APLP2: variants seen among roughly 807,000 people sequenced by gnomAD.
APLP2 encodes the protein amyloid beta precursor like protein 2.
A neutral mutation model predicts 89.9 loss-of-function variants in APLP2; 53 were observed. That is an observed-to-expected ratio of 0.59 (90% CI 0.47 to 0.74). The LOEUF is 0.74. APLP2 is among the 30% of genes least tolerant of loss of function. The pLI is 0.00. For missense variants in APLP2, 973 were observed against 975.9 expected, an observed-to-expected ratio of 1.00 and a Z score of 0.04; for synonymous variants, 372 against 348.6, an observed-to-expected ratio of 1.07 and a Z score of -0.75.
intron 2 of APLP2, 44 bp from the exon 3 acceptor site, chr11:130,110,494 G>C: frequency 6.2e-7 from 1 of 1,606,294 alleles, no homozygotes; most frequent in Non-Finnish European, 8.5e-7. Flanking sequence ...GTGTGTGTCT[G>C]TCTGCAGATT....
intron 13 of APLP2, among the ~76,000 whole-genome samples, chr11:130,137,473 C>T (rs968754436): frequency 6.6e-6 from 1 of 152,174 alleles, no homozygotes; most frequent in African/African-American, 2.4e-5. Flanking sequence ...GACCTGACTC[C>T]AGCACTCTGA....
intron 1 of APLP2, among the ~76,000 whole-genome samples, chr11:130,105,079 ATAAAT>A (rs562217397): frequency 1.1e-4 from 17 of 152,348 alleles, no homozygotes; most frequent in African/African-American, 1.7e-4. Context: ...ATCAGCATAA[ATAAAT>A]TAAAGTTTCC....
At chr11:130,118,663 G>T (rs967962018) in intron 3 of APLP2, among the ~76,000 whole-genome samples, 5 of 152,182 alleles carry the variant, frequency 3.3e-5, no homozygotes, top group Admixed American at 6.5e-5. Context: ...GAGTATCAGG[G>T]TTGTTCATTC....
chr11:130,139,829 C>G (rs531430466), intron 13 of APLP2, among the ~76,000 whole-genome samples: 1 of 152,056 alleles, frequency 6.6e-6, no homozygotes, highest in African/African-American at 2.4e-5. Context: ...GTGGGAGATG[C>G]GGGAAGAAAT....
intron 1 of APLP2, among the ~76,000 whole-genome samples, chr11:130,105,444 A>C (rs973854957): frequency 6.6e-6 from 1 of 152,276 alleles, no homozygotes; most frequent in African/African-American, 2.4e-5. Context: ...CATCAAAGCT[A>C]CCCTTTCTTG....
intron 1 of APLP2, among the ~76,000 whole-genome samples, chr11:130,090,005 C>T (rs867222014): frequency 2.0e-5 from 3 of 152,124 alleles, no homozygotes; most frequent in Admixed American, 6.5e-5. Context: ...ATTTGAGGCC[C>T]TATTCAACCT....
chr11:130,105,138 C>T (rs537403863), intron 1 of APLP2, among the ~76,000 whole-genome samples: 3 of 152,278 alleles, frequency 2.0e-5, no homozygotes, highest in South Asian at 2.1e-4. Flanking sequence ...GTCAGCTAGG[C>T]GTAGTATCTC....
At chr11:130,096,325 G>A (rs1946205447) in intron 1 of APLP2, among the ~76,000 whole-genome samples, 3 of 152,204 alleles carry the variant, frequency 2.0e-5, no homozygotes, top group African/African-American at 7.2e-5. Context: ...GAATTCTCTG[G>A]AATAGAAGAG....
At chr11:130,079,163 GTC>G (rs1424065133) in intron 1 of APLP2, among the ~76,000 whole-genome samples, 7 of 151,908 alleles carry the variant, frequency 4.6e-5, no homozygotes. Flanking sequence ...CAGTGGTGCA[GTC>G]TCTGCTCACT....
chr11:130,089,968 T>C (rs1199016247), intron 1 of APLP2, among the ~76,000 whole-genome samples: 3 of 152,202 alleles, frequency 2.0e-5, no homozygotes, highest in Admixed American at 2.0e-4. Context: ...TTCAGAGGTA[T>C]TTGGGGCTAG....
intron 1 of APLP2, chr11:130,070,446 T>A: frequency 1.6e-6 from 1 of 615,426 alleles, no homozygotes; most frequent in Non-Finnish European, 2.1e-6. Context: ...GGCGCTCCTC[T>A]CCCGCCGGAG....
intron 1 of APLP2, among the ~76,000 whole-genome samples, chr11:130,091,024 G>A (rs1591778271): frequency 6.7e-5 from 10 of 148,420 alleles, no homozygotes; most frequent in African/African-American, 1.7e-4. Flanking sequence ...CGGACGGGGC[G>A]GCTGGCCGGG....
chr11:130,126,413 A>T (rs1343886513), intron 7 of APLP2, among the ~76,000 whole-genome samples: 5 of 152,192 alleles, frequency 3.3e-5, no homozygotes, highest in African/African-American at 1.2e-4. Flanking sequence ...GGTATAGAAG[A>T]AACCACCTCT....
intron 11 of APLP2, among the ~76,000 whole-genome samples, chr11:130,131,228 A>G (rs1160052557): frequency 6.6e-6 from 1 of 152,146 alleles, no homozygotes; most frequent in African/African-American, 2.4e-5. Flanking sequence ...CCTCCCAAGT[A>G]GCTGGGATTA....
At chr11:130,073,660 G>A (rs1297337141) in intron 1 of APLP2, among the ~76,000 whole-genome samples, 1 of 152,142 alleles carries the variant, frequency 6.6e-6, no homozygotes, top group Non-Finnish European at 1.5e-5. Flanking sequence ...GAGCAACATG[G>A]TGAAACTCCG....
chr11:130,101,227 A>G (rs1946875187), intron 1 of APLP2: 3 of 153,502 alleles, frequency 2.0e-5, no homozygotes, highest in Admixed American at 1.3e-4. Flanking sequence ...CCCAGGCGGA[A>G]TGCAGTGGCG....
chr11:130,109,505 T>G lies in APLP2; in HGVS notation c.182T>G (p.Met61Arg), dbSNP rs1250131813. The part of the protein sequence containing the change: ...QIAMFCGKLN[M>R]HVNIQTGKWE... ...GCAATGTTTTGTGGGAAGTTAAATA[T>G]GCATGTGAACATTCAGACTGGGAAA... Residue 61 changes from methionine (M) to arginine (R), a missense_variant, in exon 2 of 17, where the codon ATG becomes AGG. Met to Arg is a moderately conservative substitution (Grantham distance 91, BLOSUM62 -1). Coordinates refer to ENST00000338167, the MANE Select transcript of APLP2 (RefSeq NM_001142276.2). The G allele has an allele frequency of 6.2e-7, 1 of 1,614,036 alleles. No individual in the cohort carries two copies. The highest frequency in any genetic ancestry group is 1.7e-5 in the Admixed American group (1 of 60,004).
At chr11:130,140,300 G>A (rs1223406774) in intron 13 of APLP2, 98 bp from the exon 14 acceptor site, 1 of 842,854 alleles carries the variant, frequency 1.2e-6, no homozygotes, top group African/African-American at 1.7e-5. Flanking sequence ...TGCGTGTTGA[G>A]GGGCTCACTG....
Position 130,135,676 on chromosome 11 carries a change from C to A in APLP2, c.1798C>A (p.His600Asn), listed in dbSNP as rs747958805. The change falls in exon 13 of 17, where the codon CAC (histidine) becomes AAC (asparagine). Residue 600 changes from histidine (H) to asparagine (N), a missense_variant. Transcript: ENST00000338167. ...SEESEEIPPFHPFHPFPALPE... is the reference protein window; with the variant it reads ...SEESEEIPPFNPFHPFPALPE... ...GGAGAGTGAGGAGATCCCACCGTTC[C>A]ACCCCTTCCACCCCTTCCCAGCCCT... The A allele has an allele frequency of 1.2e-6, 2 of 1,612,626 alleles. No individual in the cohort carries two copies. The highest frequency in any genetic ancestry group is 8.5e-7 in the Non-Finnish European group (1 of 1,180,002).
Sources: gnomAD v4.1 joint callset for allele counts (sites outside exome capture counted in the v4.1 genomes callset) on GRCh38, gnomAD v4.1.1 for gene constraint, MANE v1.5 for transcripts, NCBI Gene and HGNC (gene_info 2026-07-23, HGNC 2026-07-21) for gene names.